The following PRPF3 variants were observed in gnomAD, a reference collection of about 807,000 sequenced individuals.
The protein encoded by PRPF3 is U4/U6 small nuclear ribonucleoprotein Prp3.
Under a neutral mutation model 89.2 loss-of-function variants are expected in PRPF3, and 3 were observed. The ratio of observed to expected loss-of-function variants is 0.03; its 90% CI spans 0.02 to 0.09. The LOEUF is 0.09. Among genes scored for constraint, PRPF3 ranks in the 10% least tolerant of loss-of-function variants. The pLI is 1.00. For synonymous variants in PRPF3, 270 were observed against 289.1 expected (o/e 0.93, Z 0.67); for missense variants, 463 against 828.8 (o/e 0.56, Z 5.42).
In PRPF3 at chr1:150,352,871, T is replaced by C; in HGVS notation, c.1944T>C (p.Phe648=). ...ACCGGAGCTTTGGAGAGATGAAGTT[T>C]AAACAGTGTCCTACAGAGAACATGG... ...AKDRSFGEMK[F]KQCPTENMAR... The change falls in exon 16 of 16, where the codon TTT becomes TTC. Residue 648 remains phenylalanine, a synonymous_variant. Transcript: ENST00000324862. 4 of 1,614,214 alleles carry C rather than the reference T, an allele frequency of 2.5e-6. No homozygotes were observed. Among genetic ancestry groups the C allele is most frequent in the Non-Finnish European group, 3.4e-6 (4 of 1,180,044 alleles).
chr1:150,350,306 A>G (rs587602678), intron 15 of PRPF3, among the ~76,000 whole-genome samples: 2 of 151,212 alleles, frequency 1.3e-5, no homozygotes, highest in East Asian at 3.9e-4. Context: ...GGTTCAAGTG[A>G]TTCTCCTGCC....
chr1:150,341,497 C>T (rs1333767108), intron 9 of PRPF3, among the ~76,000 whole-genome samples: 2 of 150,274 alleles, frequency 1.3e-5, no homozygotes, highest in African/African-American at 4.9e-5. Context: ...CCTCTGCCTC[C>T]TGGGTTCAAG....
rs146249721 is a variant in PRPF3 at position 150,346,225 on chromosome 1, G to A, written c.1759+89G>A. 2.0e-4 allele frequency: 263 copies of A among 1,320,088 alleles called. 1 individual carries two copies. The highest frequency in any genetic ancestry group is 1.3e-3 in the African/African-American group (92 of 69,122). The allele number at this position is 1,320,088 out of a possible 1,614,324, so 81.8% of individuals were successfully genotyped here. On this transcript the variant is annotated intron_variant, in intron 13 of 15. Transcript: ENST00000324862. ...TGTGGGGAGAAAGGAGAAAAAGATCGTATTTTAGTGCCATACCTGATATAA... is the reference window on the plus strand; with the variant it reads ...TGTGGGGAGAAAGGAGAAAAAGATCATATTTTAGTGCCATACCTGATATAA...
intron 3 of PRPF3, chr1:150,327,616 C>T: frequency 1.0e-6 from 1 of 985,864 alleles, no homozygotes; most frequent in Non-Finnish European, 1.2e-6. Context: ...ACGAGCCCTC[C>T]TAGTGAAGAG....
intron 4 of PRPF3, 81 bp downstream of exon 4, chr1:150,328,547 ATTTTTTTTT>A (rs34437719): frequency 1.0e-5 from 6 of 580,896 alleles, no homozygotes; most frequent in African/African-American, 3.4e-5. Context: ...TTATTGTGGA[ATTTTTTTTT>A]TTTTTTTTTT....
At chr1:150,343,560 T>C in intron 10 of PRPF3, 108 bp downstream of exon 10, 1 of 1,444,996 alleles carries the variant, frequency 6.9e-7, no homozygotes, top group Non-Finnish European at 9.6e-7. Context: ...TTTCTAAGAA[T>C]TATTCTTGGG....
chr1:150,347,319 CAT>C (rs1553873183), intron 14 of PRPF3, among the ~76,000 whole-genome samples: 4 of 151,902 alleles, frequency 2.6e-5, no homozygotes, highest in African/African-American at 9.7e-5. Flanking sequence ...CACACATACA[CAT>C]ACACACAATA....
chr1:150,325,657 G>A (rs1178403863), intron 2 of PRPF3, 94 bp from the exon 3 acceptor site: 1 of 1,508,894 alleles, frequency 6.6e-7, no homozygotes, highest in East Asian at 2.3e-5. Flanking sequence ...TCACTCCTGG[G>A]AATAAAATTC....
Position 150,325,872 on chromosome 1 carries a change from A to G in PRPF3, c.267A>G (p.Arg89=), listed in dbSNP as rs782538822. Residue 89 remains arginine (R), a synonymous_variant, in exon 3 of 16, where the codon CGA becomes CGG. Coordinates refer to ENST00000324862, the MANE Select transcript of PRPF3 (RefSeq NM_004698.4). Reference sequence around the variant, plus strand: ...CTAGCAGTGACAGGAGCAGAAAACGAGAGCTAAAGGTAGGTTACAATTTAC... The same window carrying G: ...CTAGCAGTGACAGGAGCAGAAAACGGGAGCTAAAGGTAGGTTACAATTTAC... The part of the protein sequence containing the change: ...SKSSSDRSRK[R]ELKEVFGDDS... The G allele has an allele frequency of 1.6e-5, 26 of 1,613,116 alleles. No individual in the cohort carries two copies. The South Asian group carries it at 2.2e-4, about 14-fold the overall frequency.
chr1:150,343,135 G>GGT, intron 9 of PRPF3, 174 bp from the exon 10 acceptor site: 1 of 248,676 alleles, frequency 4.0e-6, no homozygotes, highest in Non-Finnish European at 7.5e-6. Flanking sequence ...CTAGCTACTC[G>GGT]GGAGGCTGAG....
chr1:150,331,637 T>G (rs6700607), intron 4 of PRPF3, among the ~76,000 whole-genome samples: 7,197 of 152,224 alleles, frequency 0.047, 428 homozygotes, highest in African/African-American at 0.13. Context: ...AGTGCTGGGA[T>G]TACAGGCGTG....
At chr1:150,352,711 A>C in intron 15 of PRPF3, 122 bp from the exon 16 acceptor site, 3 of 1,085,304 alleles carry the variant, frequency 2.8e-6, no homozygotes, top group Non-Finnish European at 4.0e-6. Flanking sequence ...ATTTTTTTTT[A>C]ACCATAAAAT....
chr1:150,352,683 A>G, intron 15 of PRPF3, 150 bp from the exon 16 acceptor site: 1 of 811,268 alleles, frequency 1.2e-6, no homozygotes, highest in Non-Finnish European at 2.0e-6. Context: ...ACAAATATCC[A>G]AGGAAATGGA....
At chr1:150,347,339 A>T (rs587744701) in intron 14 of PRPF3, among the ~76,000 whole-genome samples, 1 of 152,124 alleles carries the variant, frequency 6.6e-6, no homozygotes, top group African/African-American at 2.4e-5. Flanking sequence ...ATACACACAC[A>T]TACATGTACA....
chr1:150,338,074 C>A (rs1273032113), intron 7 of PRPF3, 86 bp from the exon 8 acceptor site: 41 of 1,212,702 alleles, frequency 3.4e-5, no homozygotes, highest in African/African-American at 1.3e-4. Flanking sequence ...AACTCCGTCT[C>A]AAAAAAAAAA....
chr1:150,352,344 T>C (rs1553874543), intron 15 of PRPF3, among the ~76,000 whole-genome samples: 4 of 152,214 alleles, frequency 2.6e-5, no homozygotes, highest in Non-Finnish European at 4.4e-5. Flanking sequence ...AAAAGCCTTA[T>C]GCATATGAAT....
At chr1:150,337,819 AATC>A (rs1553868525) in intron 7 of PRPF3, among the ~76,000 whole-genome samples, 3 of 151,696 alleles carry the variant, frequency 2.0e-5, no homozygotes, top group African/African-American at 7.3e-5. Flanking sequence ...TCATGCCTGT[AATC>A]CCATCACTTT....
chr1:150,330,741 G>C (rs1656262803), intron 4 of PRPF3, among the ~76,000 whole-genome samples: 2 of 149,022 alleles, frequency 1.3e-5, no homozygotes, highest in South Asian at 4.2e-4. Flanking sequence ...TTTTGAGACG[G>C]AGTCTCACTC....
At chr1:150,351,049 G>A (rs1317385399) in intron 15 of PRPF3, among the ~76,000 whole-genome samples, 2 of 151,910 alleles carry the variant, frequency 1.3e-5, no homozygotes, top group African/African-American at 2.4e-5. Flanking sequence ...GGCGGATTAC[G>A]AGGTCAGGAA....
Sources: allele counts gnomAD v4.1 joint callset (sites outside exome capture counted in the v4.1 genomes callset), GRCh38; gene constraint gnomAD v4.1.1; transcripts MANE v1.5; gene names NCBI Gene and HGNC (gene_info 2026-07-23, HGNC 2026-07-21).